ATOSA: variants seen among roughly 807,000 people sequenced by gnomAD.
ATOSA encodes atos homolog A.
the ATOSA span, among the ~76,000 whole-genome samples, chr15:52,628,633 C>A: frequency 6.6e-6 from 1 of 151,998 alleles, no homozygotes; most frequent in Non-Finnish European, 1.5e-5. Context: ...CTAGATACAG[C>A]AAAACTTTTA....
the ATOSA span, among the ~76,000 whole-genome samples, chr15:52,704,881 T>C: frequency 2.6e-5 from 4 of 152,060 alleles, no homozygotes; most frequent in Non-Finnish European, 5.9e-5. Context: ...TGTGGAGAAA[T>C]AGGAACACTT....
the ATOSA span, among the ~76,000 whole-genome samples, chr15:52,672,230 T>A: frequency 7.0e-6 from 1 of 142,090 alleles, no homozygotes. Flanking sequence ...GCACCTGTAG[T>A]CCCAGCTACT....
At chr15:52,602,913 T>A in the ATOSA span, among the ~76,000 whole-genome samples, 1 of 152,230 alleles carries the variant, frequency 6.6e-6, no homozygotes, top group South Asian at 2.1e-4. Flanking sequence ...TGCCCCAGGT[T>A]ACACCTTGGG....
the ATOSA span, among the ~76,000 whole-genome samples, chr15:52,697,957 ATTTTTTTTTTTTT>A: frequency 2.1e-3 from 96 of 44,796 alleles, no homozygotes; most frequent in Middle Eastern, 0.037. Context: ...GGGATGTAGA[ATTTTTTTTTTTTT>A]TTTTTTTTTT....
the ATOSA span, chr15:52,651,897 T>C: frequency 9.8e-6 from 15 of 1,535,448 alleles, no homozygotes; most frequent in Non-Finnish European, 1.3e-5. Context: ...TTGTTTCCAC[T>C]GAAAACCATA....
chr15:52,612,592 C>T, the ATOSA span, among the ~76,000 whole-genome samples: 1 of 150,264 alleles, frequency 6.7e-6, no homozygotes, highest in Non-Finnish European at 1.5e-5. Context: ...GCAACCTCTG[C>T]CTCCTGGGTT....
At chr15:52,685,516 C>G in the ATOSA span, among the ~76,000 whole-genome samples, 1 of 151,808 alleles carries the variant, frequency 6.6e-6, no homozygotes, top group Non-Finnish European at 1.5e-5. Flanking sequence ...TTGCTGCAAC[C>G]TCTGCCTTCC....
the ATOSA span, chr15:52,585,133 A>G: frequency 1.0e-5 from 5 of 488,592 alleles, no homozygotes; most frequent in African/African-American, 2.0e-5. Context: ...TAAAAGGTTC[A>G]ATTTTTTGTT....
chr15:52,651,489 T>C, the ATOSA span, among the ~76,000 whole-genome samples: 2 of 152,212 alleles, frequency 1.3e-5, no homozygotes, highest in Admixed American at 1.3e-4. Context: ...TACATTTGTC[T>C]TAACAGCTTT....
chr15:52,683,909 C>T, the ATOSA span, among the ~76,000 whole-genome samples: 1 of 152,178 alleles, frequency 6.6e-6, no homozygotes, highest in Non-Finnish European at 1.5e-5. Context: ...CTTTGAAAGC[C>T]CAAAGTTTCA....
the ATOSA span, chr15:52,585,242 T>G: frequency 2.3e-5 from 5 of 219,756 alleles, no homozygotes; most frequent in Non-Finnish European, 4.5e-5. Flanking sequence ...CTTTAAGGAA[T>G]AGTTCCAGTA....
At chr15:52,665,431 G>A in the ATOSA span, among the ~76,000 whole-genome samples, 3 of 152,282 alleles carry the variant, frequency 2.0e-5, no homozygotes, top group South Asian at 2.1e-4. Context: ...ATAAGAAAGC[G>A]AAATCAAATT....
the ATOSA span, among the ~76,000 whole-genome samples, chr15:52,706,689 T>C: frequency 9.9e-5 from 15 of 152,156 alleles, no homozygotes; most frequent in African/African-American, 2.9e-4. Context: ...TGACTAAAAA[T>C]AGGAATTCAT....
the ATOSA span, among the ~76,000 whole-genome samples, chr15:52,615,612 A>T: frequency 1.3e-5 from 2 of 152,216 alleles, no homozygotes; most frequent in African/African-American, 4.8e-5. Flanking sequence ...AAAAAGAAAG[A>T]CTGGAGCCAG....
At chr15:52,619,530 T>C in the ATOSA span, among the ~76,000 whole-genome samples, 1 of 152,210 alleles carries the variant, frequency 6.6e-6, no homozygotes, top group African/African-American at 2.4e-5. Flanking sequence ...CTAGGCCTTC[T>C]TACCAGTTAC....
chr15:52,678,740 G>C, the ATOSA span: 1 of 153,170 alleles, frequency 6.5e-6, no homozygotes, highest in Non-Finnish European at 1.5e-5. Flanking sequence ...GGCTCCGGGG[G>C]AGGTGTTTAC....
the ATOSA span, among the ~76,000 whole-genome samples, chr15:52,672,186 A>AAAAAAAAAAG: frequency 6.7e-6 from 1 of 148,690 alleles, no homozygotes; most frequent in Non-Finnish European, 1.5e-5. Context: ...AAAAAAAAAA[A>AAAAAAAAAAG]AAAAAAAAGA....
At chr15:52,709,225 A>G in the ATOSA span, among the ~76,000 whole-genome samples, 2 of 152,156 alleles carry the variant, frequency 1.3e-5, no homozygotes, top group Admixed American at 6.5e-5. Context: ...GATCATTTTG[A>G]AGTTTTACAT....
the ATOSA span, among the ~76,000 whole-genome samples, chr15:52,638,317 T>C: frequency 6.6e-6 from 1 of 152,202 alleles, no homozygotes; most frequent in Non-Finnish European, 1.5e-5. Context: ...TTAAAAACGC[T>C]TACCTTCTAT....
Sources: gnomAD v4.1 joint callset for allele counts (sites outside exome capture counted in the v4.1 genomes callset) on GRCh38, gnomAD v4.1.1 for gene constraint, MANE v1.5 for transcripts, NCBI Gene and HGNC (gene_info 2026-07-23, HGNC 2026-07-21) for gene names.